The following ABR variants were observed in gnomAD, a reference collection of about 807,000 sequenced individuals.
ABR encodes active breakpoint cluster region-related protein.
In ABR, 35 loss-of-function variants were observed where a neutral mutation model predicts 107.2. The ratio of observed to expected loss-of-function variants is 0.33; its 90% CI spans 0.25 to 0.43. The LOEUF (loss-of-function observed/expected upper bound fraction) is 0.43, where lower values mean the gene tolerates loss of function less well. ABR is among the 20% of genes least tolerant of loss of function. The probability of loss-of-function intolerance (pLI) is 1.00; values close to 1 mark genes in which losing one functional copy is unlikely to be tolerated. For synonymous variants in ABR, 498 were observed against 462.0 expected, an observed-to-expected ratio of 1.08 and a Z score of -1.00; for missense variants, 815 against 1,115.2, an observed-to-expected ratio of 0.73 and a Z score of 3.83.
chr17:1,201,293 C>G (rs750590141), intron 1 of ABR, among the ~76,000 whole-genome samples: 1 of 152,086 alleles, frequency 6.6e-6, no homozygotes, highest in East Asian at 1.9e-4. Context: ...GGTGTCACGA[C>G]GTATTGAACC....
chr17:1,204,175 T>C (rs1224096687), intron 1 of ABR, among the ~76,000 whole-genome samples: 5 of 152,182 alleles, frequency 3.3e-5, no homozygotes, highest in Non-Finnish European at 1.5e-5. Context: ...CCGGGCGCGG[T>C]GGCTCAGGCC....
chr17:1,184,124 T>C (rs1427508083), upstream of ABR, among the ~76,000 whole-genome samples: 1 of 146,694 alleles, frequency 6.8e-6, no homozygotes, highest in African/African-American at 2.6e-5. Flanking sequence ...GTCACTGCAC[T>C]CCAGCCTGGG....
At chr17:1,189,789 C>T (rs1490191412), upstream of ABR, among the ~76,000 whole-genome samples, 3 of 152,132 alleles carry the variant, frequency 2.0e-5, no homozygotes, top group South Asian at 2.1e-4. Context: ...CTCTTGTAAA[C>T]GTTCAATGCC....
In ABR at chr17:1,194,431, A is replaced by G. The variant is rs1215109382; in HGVS notation, c.838+34362T>C. Among the ~76,000 whole-genome samples the G allele has an allele frequency of 1.0e-4, 15 of 150,720 alleles. 1 individual carries two copies. The highest frequency in any genetic ancestry group is 4.4e-5 in the Non-Finnish European group (3 of 67,782). On this transcript the variant is annotated intron_variant, in intron 1 of 22. Coordinates refer to the ABR transcript ENST00000574139. Reference sequence around the variant, plus strand: ...CATGCTGGTCTCAACTCCTGACCTCAGGTGATCTGCCTGCCTCGTCTTCCC... The same window carrying G: ...CATGCTGGTCTCAACTCCTGACCTCGGGTGATCTGCCTGCCTCGTCTTCCC...
At chr17:1,019,683 G>A (rs1210389484) in intron 16 of ABR, among the ~76,000 whole-genome samples, 1 of 152,290 alleles carries the variant, frequency 6.6e-6, no homozygotes, top group African/African-American at 2.4e-5. Flanking sequence ...GCTGCTGCCC[G>A]CAACTGCGCT....
chr17:1,031,722 TG>T, intron 16 of ABR: 1 of 1,245,360 alleles, frequency 8.0e-7, no homozygotes, highest in South Asian at 3.2e-5. Flanking sequence ...GCAGTCGGGC[TG>T]GGGCAGGACG....
In ABR at chr17:1,150,352, G is replaced by A. The variant is rs112309268; in HGVS notation, c.62-24985C>T. Among the ~76,000 whole-genome samples, 1,115 of 152,306 alleles carry A rather than the reference G, an allele frequency of 7.3e-3. 16 individuals are homozygous for A. The highest frequency in any genetic ancestry group is 0.026 in the African/African-American group (1,067 of 41,568). On this transcript the variant is annotated intron_variant, in intron 1 of 22. Coordinates refer to ENST00000302538, the MANE Select transcript of ABR (RefSeq NM_021962.5). The surrounding 1 kb of genome is among the most constrained non-coding windows in gnomAD (Gnocchi z 4.8). ...AAAGGAGGTAAGAAGTCTGTGTTCCGGGTGTGCTGAGCACTTGCTGTGTGC... is the reference window on the plus strand; with the variant it reads ...AAAGGAGGTAAGAAGTCTGTGTTCCAGGTGTGCTGAGCACTTGCTGTGTGC...
chr17:1,019,336 A>T (rs930872491), intron 16 of ABR, among the ~76,000 whole-genome samples: 2 of 152,210 alleles, frequency 1.3e-5, no homozygotes, highest in African/African-American at 2.4e-5. Context: ...GCAGCCTCCC[A>T]GGCGACACTT....
intron 1 of ABR, among the ~76,000 whole-genome samples, chr17:1,211,413 T>A (rs1187273754): frequency 6.6e-6 from 1 of 152,272 alleles, no homozygotes; most frequent in Non-Finnish European, 1.5e-5. Flanking sequence ...CTTCTTCTGC[T>A]GTTCCTGCAG....
intron 16 of ABR, among the ~76,000 whole-genome samples, chr17:1,048,584 A>C (rs931993663): frequency 7.4e-6 from 1 of 135,854 alleles, no homozygotes; most frequent in East Asian, 2.0e-4. Context: ...CGCCTGGATC[A>C]CGTCCGGGGC....
chr17:1,160,984 G>C (rs1469363924), intron 1 of ABR, among the ~76,000 whole-genome samples: 1 of 152,182 alleles, frequency 6.6e-6, no homozygotes, highest in African/African-American at 2.4e-5. Context: ...TGCCTTCTGA[G>C]GGAAGCGGGC....
Position 1,179,700 on chromosome 17 carries a change from G to C in ABR, c.28C>G (p.Pro10Ala). 6.4e-7 allele frequency: 1 copy of C among 1,558,530 alleles called. No homozygotes were observed. Among genetic ancestry groups the C allele is most frequent in the East Asian group, 2.5e-5 (1 of 39,498 alleles). ...AGGGTGTCGATCCAGGACAGGCGCGGCAGGCCCCGGTGGCTGAGCGGCTCC... is the reference window on the plus strand; with the variant it reads ...AGGGTGTCGATCCAGGACAGGCGCGCCAGGCCCCGGTGGCTGAGCGGCTCC... MEPLSHRGL[P>A]RLSWIDTLYS... The change falls in exon 1 of 23, where the codon CCG becomes GCG. Residue 10 changes from proline to alanine, a missense_variant. Coordinates refer to ENST00000302538, the MANE Select transcript of ABR (RefSeq NM_021962.5). The surrounding 1 kb of genome is among the most constrained non-coding windows in gnomAD (Gnocchi z 4.9).
chr17:1,166,875 GC>G (rs775044639), intron 1 of ABR, among the ~76,000 whole-genome samples: 1 of 152,124 alleles, frequency 6.6e-6, no homozygotes, highest in Non-Finnish European at 1.5e-5. Context: ...GGTGGCACGC[GC>G]CTGTAGTCCC....
chr17:1,110,672 T>C (rs551529125), intron 2 of ABR, among the ~76,000 whole-genome samples: 4 of 152,322 alleles, frequency 2.6e-5, no homozygotes, highest in East Asian at 1.9e-4. Flanking sequence ...TGCAATTCCA[T>C]TGGCAGCAGA....
intron 2 of ABR, chr17:1,109,044 C>T (rs375689558): frequency 1.7e-5 from 27 of 1,597,082 alleles, no homozygotes; most frequent in Non-Finnish European, 2.0e-5. Context: ...TCCAGCAAGC[C>T]TATCGCCTCC....
At chr17:1,033,324 A>G (rs2072946272) in intron 16 of ABR, among the ~76,000 whole-genome samples, 1 of 152,202 alleles carries the variant, frequency 6.6e-6, no homozygotes, top group African/African-American at 2.4e-5. Flanking sequence ...GAAGGCTGGC[A>G]GGGACCAGGC....
At chr17:1,056,467 T>C (rs1232459464) in intron 13 of ABR, among the ~76,000 whole-genome samples, 2 of 152,156 alleles carry the variant, frequency 1.3e-5, no homozygotes, top group African/African-American at 4.8e-5. Flanking sequence ...TAATGATTTA[T>C]GTCGAGGAAA....
chr17:1,033,177 G>A lies in ABR; in HGVS notation c.1791+16873C>T, dbSNP rs866881473. Reference sequence around the variant, plus strand: ...TGGTTGACCCCAAGGCAGGTGGGTCGGGGCCCAGAGACGAGCCCTCGGCAT... The same window carrying A: ...TGGTTGACCCCAAGGCAGGTGGGTCAGGGCCCAGAGACGAGCCCTCGGCAT... On this transcript the variant is annotated intron_variant, in intron 16 of 22. Coordinates refer to ENST00000302538, the MANE Select transcript of ABR (RefSeq NM_021962.5). Among the ~76,000 whole-genome samples the A allele has an allele frequency of 3.3e-5, 5 of 152,194 alleles. No homozygotes were observed. The East Asian group carries it at 5.8e-4, about 18-fold the overall frequency.
At chr17:1,122,227 G>T (rs1330730491) in intron 2 of ABR, among the ~76,000 whole-genome samples, 1 of 152,202 alleles carries the variant, frequency 6.6e-6, no homozygotes, top group Admixed American at 6.5e-5. Context: ...TTTCATCTGC[G>T]CAAAGCTTAT....
Sources: allele counts gnomAD v4.1 joint callset (sites outside exome capture counted in the v4.1 genomes callset), GRCh38; gene constraint gnomAD v4.1.1; non-coding constraint Gnocchi (gnomAD v3.1); transcripts MANE v1.5; gene names NCBI Gene and HGNC (gene_info 2026-07-23, HGNC 2026-07-21).